RGS7: variants seen among roughly 807,000 people sequenced by gnomAD.
RGS7 encodes the protein regulator of G-protein signaling 7.
RGS7 carries 27 observed loss-of-function variants against 81.1 expected under a neutral mutation model. That is an observed-to-expected ratio of 0.33 (90% CI 0.25 to 0.46). The LOEUF is 0.46. Among genes scored for constraint, RGS7 ranks in the 20% least tolerant of loss-of-function variants. RGS7 has a pLI of 1.00. For missense variants in RGS7, 396 were observed against 607.4 expected (o/e 0.65, Z 3.66); for synonymous variants, 208 against 207.7 (o/e 1.00, Z -0.01).
intron 2 of RGS7, among the ~76,000 whole-genome samples, chr1:241,284,559 C>G (rs564138117): frequency 6.6e-6 from 1 of 152,168 alleles, no homozygotes; most frequent in Non-Finnish European, 1.5e-5. Context: ...GAATGGGGCA[C>G]CTTGCTACTG....
intron 3 of RGS7, among the ~76,000 whole-genome samples, chr1:241,045,329 AT>A (rs1487049591): frequency 6.6e-6 from 1 of 152,002 alleles, no homozygotes; most frequent in African/African-American, 2.4e-5. Context: ...TAGGCAAGAT[AT>A]TTTATGTCTA....
chr1:240,822,974 G>A, intron 10 of RGS7: 2 of 525,616 alleles, frequency 3.8e-6, no homozygotes, highest in Non-Finnish European at 7.0e-6. Flanking sequence ...TTTTCATCAG[G>A]GGCTATTCAT....
intron 2 of RGS7, among the ~76,000 whole-genome samples, chr1:241,228,545 A>T (rs2075464216): frequency 1.3e-5 from 2 of 152,248 alleles, no homozygotes; most frequent in South Asian, 4.1e-4. Context: ...ACTAGATGAT[A>T]GAATCATAAG....
chr1:241,286,202 A>G (rs1384999182), intron 2 of RGS7, among the ~76,000 whole-genome samples: 4 of 152,184 alleles, frequency 2.6e-5, no homozygotes, highest in African/African-American at 9.7e-5. Flanking sequence ...GTTCTACTAC[A>G]TCAAAAGCCA....
chr1:241,323,939 A>G (rs1204153934), intron 2 of RGS7, among the ~76,000 whole-genome samples: 1 of 152,214 alleles, frequency 6.6e-6, no homozygotes, highest in Non-Finnish European at 1.5e-5. Context: ...ACTGAAGCCC[A>G]GCTCTGTCAT....
chr1:240,813,639 G>A lies in RGS7; in HGVS notation c.935C>T (p.Thr312Ile). The part of the protein sequence containing the change: ...PSNPWLSDDT[T>I]FWELEASKEP... ...CTACCTTGCCTCAAGTTCCCAGAAA[G>A]TGGTGTCATCGGACAGCCATGGGTT... Residue 312 changes from threonine (T) to isoleucine (I), a missense_variant, in exon 13 of 19, where the codon ACT becomes ATT. Physicochemically the swap from Thr to Ile is moderately conservative, Grantham distance 89. Coordinates refer to ENST00000440928, the MANE Select transcript of RGS7 (RefSeq NM_001364886.1). The A allele has an allele frequency of 6.2e-7, 1 of 1,612,598 alleles. No homozygotes were observed. Among genetic ancestry groups the A allele is most frequent in the Non-Finnish European group, 8.5e-7 (1 of 1,178,562 alleles).
intron 2 of RGS7, among the ~76,000 whole-genome samples, chr1:241,322,347 C>G (rs1455624466): frequency 2.6e-5 from 4 of 152,174 alleles, no homozygotes; most frequent in Non-Finnish European, 5.9e-5. Flanking sequence ...TTTCATTTCT[C>G]CACATAATCA....
At position 240,868,715 on chromosome 1, in the gene RGS7, C is replaced by T. The variant is rs777138178; in HGVS notation, c.528-47G>A. ...ATAACATTTAGTATTAATTGTAGTGCCTCTCTGAACAAAAAGGCCACAACT... is the reference window on the plus strand; with the variant it reads ...ATAACATTTAGTATTAATTGTAGTGTCTCTCTGAACAAAAAGGCCACAACT... On this transcript the variant is annotated intron_variant, in intron 8 of 18. Coordinates refer to ENST00000440928, the MANE Select transcript of RGS7 (RefSeq NM_001364886.1). This position sits in a 1 kb window ranked among gnomAD's most constrained non-coding sequence, Gnocchi z 5.1. 17 of 1,608,246 alleles carry T rather than the reference C, an allele frequency of 1.1e-5. No individual in the cohort carries two copies. The South Asian group carries it at 1.1e-4, about 10-fold the overall frequency.
intron 2 of RGS7, among the ~76,000 whole-genome samples, chr1:241,203,602 A>G (rs2073676154): frequency 6.6e-6 from 1 of 152,168 alleles, no homozygotes. Context: ...ACTCCAAAGA[A>G]TATCATTTCA....
At chr1:241,289,141 G>A (rs2078969001) in intron 2 of RGS7, among the ~76,000 whole-genome samples, 2 of 152,270 alleles carry the variant, frequency 1.3e-5, no homozygotes, top group Admixed American at 6.5e-5. Context: ...CCCATACCTG[G>A]GACAATGCAA....
At chr1:240,944,106 G>A (rs1171846854) in intron 4 of RGS7, among the ~76,000 whole-genome samples, 1 of 151,516 alleles carries the variant, frequency 6.6e-6, no homozygotes, top group Non-Finnish European at 1.5e-5. Context: ...GAAAAATCAT[G>A]CTGAAATTTG....
At chr1:241,293,036 T>C (rs2079175022) in intron 2 of RGS7, among the ~76,000 whole-genome samples, 2 of 152,226 alleles carry the variant, frequency 1.3e-5, no homozygotes, top group Non-Finnish European at 2.9e-5. Context: ...ATATCAACTT[T>C]ACAAAACTTT....
intron 2 of RGS7, among the ~76,000 whole-genome samples, chr1:241,173,532 C>T (rs2070883669): frequency 6.6e-6 from 1 of 152,094 alleles, no homozygotes; most frequent in African/African-American, 2.4e-5. Flanking sequence ...TACCTGTAAT[C>T]CTACAATTTT....
chr1:241,162,801 T>TAA (rs1462798151), intron 2 of RGS7, among the ~76,000 whole-genome samples: 1 of 152,162 alleles, frequency 6.6e-6, no homozygotes, highest in Non-Finnish European at 1.5e-5. Context: ...AACTGAGTCT[T>TAA]AAAGTTATAA....
Position 240,775,734 on chromosome 1 carries a change from T to C in RGS7, c.*486A>G, listed in dbSNP as rs1682837511. On this transcript the variant is annotated 3_prime_UTR_variant, in exon 19 of 19. Transcript: ENST00000440928. The stretch of plus-strand genomic sequence containing the variant: ...CACATTGGTGAAATGAAACTTTCTG[T>C]GCGGAATTTATTGTTTAATAAATGT... 5.8e-6 allele frequency: 1 copy of C among 172,694 alleles called. No individual in the cohort carries two copies. The highest frequency in any genetic ancestry group is 2.4e-5 in the African/African-American group (1 of 42,016). 10.7% of individuals were successfully genotyped at this position (172,694 alleles called of 1,614,324 possible).
chr1:241,212,014 C>T (rs2074269264), intron 2 of RGS7, among the ~76,000 whole-genome samples: 1 of 151,558 alleles, frequency 6.6e-6, no homozygotes, highest in Non-Finnish European at 1.5e-5. Context: ...ATTACCAATC[C>T]ATTATTACAT....
intron 6 of RGS7, among the ~76,000 whole-genome samples, chr1:240,874,708 A>G (rs1665069048): frequency 6.6e-6 from 1 of 152,220 alleles, no homozygotes. Context: ...CATTTCCGTC[A>G]CTTCACATTC....
chr1:240,967,268 C>G (rs1262002279), intron 4 of RGS7, among the ~76,000 whole-genome samples: 2 of 152,134 alleles, frequency 1.3e-5, no homozygotes, highest in Non-Finnish European at 2.9e-5. Flanking sequence ...CACTTGAGCC[C>G]AGACTCTGGG....
intron 6 of RGS7, among the ~76,000 whole-genome samples, chr1:240,930,381 A>G (rs1675224304): frequency 1.3e-5 from 2 of 152,138 alleles, no homozygotes; most frequent in South Asian, 4.1e-4. Flanking sequence ...GGAGAGTTGA[A>G]CTAGAACTCT....
Sources: gnomAD v4.1 joint callset for allele counts (sites outside exome capture counted in the v4.1 genomes callset) on GRCh38, gnomAD v4.1.1 for gene constraint, Gnocchi (gnomAD v3.1) non-coding constraint, MANE v1.5 for transcripts, NCBI Gene and HGNC (gene_info 2026-07-23, HGNC 2026-07-21) for gene names.